The following KCNK1 variants were observed in gnomAD, a reference collection of about 807,000 sequenced individuals.
KCNK1 encodes the protein potassium channel subfamily K member 1.
A neutral mutation model predicts 22.2 loss-of-function variants in KCNK1; 10 were observed. The observed-to-expected ratio is 0.45, with a 90% confidence interval of 0.28 to 0.76. The LOEUF is 0.76. Ranked by LOEUF, KCNK1 falls within the 30% of genes least tolerant of loss-of-function variation. The probability of loss-of-function intolerance (pLI) is 0.14; values close to 1 mark genes in which losing one functional copy is unlikely to be tolerated. For missense variants in KCNK1, 378 were observed against 421.0 expected (o/e 0.90, Z 0.89); for synonymous variants, 200 against 186.4 (o/e 1.07, Z -0.60).
intron 1 of KCNK1, among the ~76,000 whole-genome samples, chr1:233,641,573 T>C (rs961987608): frequency 3.3e-5 from 5 of 152,236 alleles, no homozygotes; most frequent in Admixed American, 6.5e-5. Flanking sequence ...TGGGGTGTTA[T>C]ATCCCCACTT....
intron 1 of KCNK1, among the ~76,000 whole-genome samples, chr1:233,649,354 G>A (rs1454515547): frequency 6.6e-6 from 1 of 152,040 alleles, no homozygotes; most frequent in Non-Finnish European, 1.5e-5. Flanking sequence ...ATTTTTCATT[G>A]GTGAAATGGG....
intron 1 of KCNK1, among the ~76,000 whole-genome samples, chr1:233,653,758 A>G (rs774901468): frequency 2.0e-5 from 3 of 152,026 alleles, no homozygotes; most frequent in Non-Finnish European, 4.4e-5. Context: ...TGCAGACGGC[A>G]TGCCAAGGGA....
intron 1 of KCNK1, among the ~76,000 whole-genome samples, chr1:233,629,178 G>A (rs540273272): frequency 5.6e-4 from 86 of 152,288 alleles, no homozygotes; most frequent in African/African-American, 2.0e-3. Flanking sequence ...AAACATCAAA[G>A]TCCCAGAAAG....
chr1:233,615,588 G>A lies in KCNK1; in HGVS notation c.355+1062G>A, dbSNP rs114762816. Among the ~76,000 whole-genome samples, 952 of 152,260 alleles carry A rather than the reference G, an allele frequency of 6.3e-3. 15 individuals are homozygous for A. The highest frequency in any genetic ancestry group is 0.022 in the African/African-American group (905 of 41,552). ...AAATAATCCATCTCGTCATGCACAA[G>A]GTCACACACTTCCTAGTTACCAGTG... On this transcript the variant is annotated intron_variant, in intron 1 of 2. Coordinates refer to ENST00000366621, the MANE Select transcript of KCNK1 (RefSeq NM_002245.4).
At chr1:233,661,391 C>T (rs986531429) in intron 1 of KCNK1, among the ~76,000 whole-genome samples, 1 of 152,148 alleles carries the variant, frequency 6.6e-6, no homozygotes, top group Non-Finnish European at 1.5e-5. Context: ...ACTAGGAATG[C>T]CATTGCCTCT....
intron 1 of KCNK1, among the ~76,000 whole-genome samples, chr1:233,660,877 G>T (rs1054369689): frequency 6.6e-6 from 1 of 152,150 alleles, no homozygotes; most frequent in African/African-American, 2.4e-5. Context: ...ATGCATCCGT[G>T]TCCTTTGTAT....
At chr1:233,662,271 T>TCTTCTC (rs1553267164) in intron 1 of KCNK1, among the ~76,000 whole-genome samples, 22 of 67,106 alleles carry the variant, frequency 3.3e-4, no homozygotes, top group African/African-American at 9.1e-4. Context: ...TTCTTCTTCT[T>TCTTCTC]CTCCTCCTCC....
At chr1:233,637,195 C>T (rs376003389) in intron 1 of KCNK1, 9 of 97,350 alleles carry the variant, frequency 9.2e-5, no homozygotes, top group Admixed American at 2.4e-4. Flanking sequence ...GACTCTGTTT[C>T]AAAAAAAAAA....
chr1:233,662,223 G>A (rs533029186), intron 1 of KCNK1, among the ~76,000 whole-genome samples: 1 of 146,910 alleles, frequency 6.8e-6, no homozygotes, highest in Non-Finnish European at 1.5e-5. Flanking sequence ...TGCTGCTGCT[G>A]CTTCTTCTTC....
intron 1 of KCNK1, among the ~76,000 whole-genome samples, chr1:233,632,083 C>T (rs942682840): frequency 6.6e-6 from 1 of 152,206 alleles, no homozygotes; most frequent in African/African-American, 2.4e-5. Flanking sequence ...CTTACTGGAA[C>T]AGGAAAACAT....
At position 233,621,788 on chromosome 1, in the gene KCNK1, T is replaced by C. The variant is rs185673813; in HGVS notation, c.355+7262T>C. ...TGCCTATTTTATAGCCCCTGGAAGA[T>C]ACTGCTACTATTATCAATAACGTGG... is the stretch of plus-strand genomic sequence containing the variant. On this transcript the variant is annotated intron_variant, in intron 1 of 2. Coordinates refer to ENST00000366621, the MANE Select transcript of KCNK1 (RefSeq NM_002245.4). Among the ~76,000 whole-genome samples the C allele has an allele frequency of 2.6e-3, 395 of 152,328 alleles. 2 individuals carry two copies. The highest frequency in any genetic ancestry group is 8.7e-3 in the African/African-American group (362 of 41,578).
rs202066939 is a variant in KCNK1 at position 233,614,144 on chromosome 1, G to T, written c.-28G>T. 8.0e-7 allele frequency: 1 copy of T among 1,253,608 alleles called. No homozygotes were observed. Among genetic ancestry groups the T allele is most frequent in the Non-Finnish European group, 1.0e-6 (1 of 979,760 alleles). 77.7% of individuals were successfully genotyped at this position (1,253,608 alleles called of 1,614,324 possible). A position where few individuals can be genotyped will look rare whatever the true frequency, so the allele number is the denominator to read the frequency against. ...GGCCGCGCTCCGGCCGGTCTGCGGC[G>T]TTGGCCTTGGCGGCGGCGGTGGAGA... On this transcript the variant is annotated 5_prime_UTR_variant, in exon 1 of 3. Transcript: ENST00000366621.
intron 1 of KCNK1, among the ~76,000 whole-genome samples, chr1:233,638,459 T>G (rs940585691): frequency 6.7e-6 from 1 of 148,492 alleles, no homozygotes; most frequent in Non-Finnish European, 1.5e-5. Flanking sequence ...ACTCAAGAAA[T>G]GAGGGTTTTG....
chr1:233,666,062 T>A (rs1658483366), intron 1 of KCNK1, among the ~76,000 whole-genome samples: 1 of 152,226 alleles, frequency 6.6e-6, no homozygotes, highest in Non-Finnish European at 1.5e-5. Flanking sequence ...TACTCCACCC[T>A]CTTACTGGAC....
At chr1:233,658,021 T>C (rs1308422681) in intron 1 of KCNK1, among the ~76,000 whole-genome samples, 1 of 152,174 alleles carries the variant, frequency 6.6e-6, no homozygotes, top group Non-Finnish European at 1.5e-5. Flanking sequence ...TGATCTTCAT[T>C]TGTGAGAGTA....
chr1:233,619,405 AGTT>A (rs1295993417), intron 1 of KCNK1, among the ~76,000 whole-genome samples: 1 of 152,146 alleles, frequency 6.6e-6, no homozygotes, highest in African/African-American at 2.4e-5. Context: ...TTGAAACTCT[AGTT>A]AAAGTGTTCA....
At chr1:233,659,798 T>C (rs1658360935) in intron 1 of KCNK1, among the ~76,000 whole-genome samples, 1 of 152,100 alleles carries the variant, frequency 6.6e-6, no homozygotes, top group South Asian at 2.1e-4. Flanking sequence ...TGTGGTACAT[T>C]GACTACACTG....
At chr1:233,655,304 T>G (rs1658271005) in intron 1 of KCNK1, among the ~76,000 whole-genome samples, 1 of 152,214 alleles carries the variant, frequency 6.6e-6, no homozygotes. Flanking sequence ...TTGTTTAATT[T>G]CACAGGCTCA....
At chr1:233,626,323 A>G (rs1042560176) in intron 1 of KCNK1, among the ~76,000 whole-genome samples, 2 of 152,152 alleles carry the variant, frequency 1.3e-5, no homozygotes, top group Admixed American at 6.5e-5. Flanking sequence ...AAGGAAGGCC[A>G]TGGAAGGAGA....
Sources: allele counts gnomAD v4.1 joint callset (sites outside exome capture counted in the v4.1 genomes callset), GRCh38; gene constraint gnomAD v4.1.1; transcripts MANE v1.5; gene names NCBI Gene and HGNC (gene_info 2026-07-23, HGNC 2026-07-21).